Variants in PDZD2 observed in about 807,000 individuals in gnomAD.
The protein encoded by PDZD2 is PDZ domain-containing protein 2.
A neutral mutation model predicts 220.7 loss-of-function variants in PDZD2; 90 were observed. The ratio of observed to expected loss-of-function variants is 0.41; its 90% CI spans 0.34 to 0.49. The LOEUF is 0.49. Ranked by LOEUF, PDZD2 falls within the 20% of genes least tolerant of loss-of-function variation. The probability of loss-of-function intolerance (pLI) is 0.28; values close to 1 mark genes in which losing one functional copy is unlikely to be tolerated. For synonymous variants in PDZD2, 1,375 were observed against 1,450.5 expected, an observed-to-expected ratio of 0.95 and a Z score of 1.18; for missense variants, 3,174 against 3,608.5, an observed-to-expected ratio of 0.88 and a Z score of 3.08.
intron 2 of PDZD2, among the ~76,000 whole-genome samples, chr5:31,801,750 A>G (rs947019591): frequency 1.3e-5 from 2 of 152,162 alleles, no homozygotes; most frequent in African/African-American, 2.4e-5. Flanking sequence ...CCAATAACTA[A>G]ATGATTAAAT....
chr5:31,851,008 G>A (rs768210452), intron 2 of PDZD2, among the ~76,000 whole-genome samples: 2 of 151,960 alleles, frequency 1.3e-5, no homozygotes, highest in African/African-American at 2.4e-5. Flanking sequence ...ACAGCTGGTC[G>A]GTATCCTCTT....
At chr5:31,908,533 G>A (rs1445125202) in intron 2 of PDZD2, 2 of 1,070,046 alleles carry the variant, frequency 1.9e-6, no homozygotes, top group Non-Finnish European at 2.7e-6. Context: ...CGAGGGCGAG[G>A]GCACGGAAAG....
chr5:31,929,192 G>A (rs908354371), intron 2 of PDZD2, among the ~76,000 whole-genome samples: 5 of 152,238 alleles, frequency 3.3e-5, no homozygotes, highest in South Asian at 2.1e-4. Flanking sequence ...CAGACTCAGC[G>A]TCTGCTGTTG....
chr5:31,664,164 T>G (rs1745888889), intron 1 of PDZD2, among the ~76,000 whole-genome samples: 1 of 152,054 alleles, frequency 6.6e-6, no homozygotes, highest in Non-Finnish European at 1.5e-5. Context: ...AACCTCCAAG[T>G]TTTGTTTTGT....
chr5:31,743,177 C>G (rs949889178), intron 1 of PDZD2, among the ~76,000 whole-genome samples: 1 of 142,902 alleles, frequency 7.0e-6, no homozygotes. Flanking sequence ...ATTCTTTTTT[C>G]TTTTTTTTTT....
At chr5:31,677,814 G>T (rs1382409971) in intron 1 of PDZD2, among the ~76,000 whole-genome samples, 2 of 151,980 alleles carry the variant, frequency 1.3e-5, no homozygotes, top group Non-Finnish European at 2.9e-5. Context: ...TCTAGAAAAG[G>T]CACGCTGATC....
chr5:31,671,523 A>G (rs867109273), intron 1 of PDZD2, among the ~76,000 whole-genome samples: 25 of 152,258 alleles, frequency 1.6e-4, no homozygotes, highest in Admixed American at 1.2e-3. Context: ...CCTCTAAGCC[A>G]TTGTCCTTGA....
In PDZD2 at chr5:31,841,448, G is replaced by A. The variant is rs149907147; in HGVS notation, c.476+41724G>A. On this transcript the variant is annotated intron_variant, in intron 2 of 24. Coordinates refer to ENST00000438447, the MANE Select transcript of PDZD2 (RefSeq NM_178140.4). ...CCAGCACTTTGGGAGGCCCAGGTGG[G>A]CAGATCACGAGATCAAGAGATCGAG... is the stretch of plus-strand genomic sequence containing the variant. Among the ~76,000 whole-genome samples the A allele has an allele frequency of 9.0e-3, 1,369 of 152,304 alleles. 22 individuals carry two copies. The highest frequency in any genetic ancestry group is 0.031 in the African/African-American group (1,290 of 41,560).
At chr5:32,071,788 A>G (rs1740776181) in intron 16 of PDZD2, among the ~76,000 whole-genome samples, 1 of 152,162 alleles carries the variant, frequency 6.6e-6, no homozygotes, top group Non-Finnish European at 1.5e-5. Flanking sequence ...GCAGGATTCA[A>G]ACTCCCCTGG....
chr5:31,970,662 AAAT>A (rs1749218343), intron 2 of PDZD2, among the ~76,000 whole-genome samples: 2 of 152,114 alleles, frequency 1.3e-5, no homozygotes, highest in South Asian at 4.2e-4. Context: ...CCTCAAAAAT[AAAT>A]AATTAAAAAA....
chr5:31,793,306 G>C (rs1014804674), intron 1 of PDZD2, among the ~76,000 whole-genome samples: 2 of 152,082 alleles, frequency 1.3e-5, no homozygotes, highest in African/African-American at 4.8e-5. Flanking sequence ...CTAGCAGAGT[G>C]GGGGCACTTC....
intron 1 of PDZD2, among the ~76,000 whole-genome samples, chr5:31,773,590 C>G (rs1752464120): frequency 6.6e-6 from 1 of 152,074 alleles, no homozygotes. Context: ...GCAGAGGTTA[C>G]AGTGAACCAA....
chr5:31,680,920 C>G (rs79811285), intron 1 of PDZD2, among the ~76,000 whole-genome samples: 5 of 152,156 alleles, frequency 3.3e-5, no homozygotes, highest in Non-Finnish European at 5.9e-5. Context: ...CTTCCCTATA[C>G]GGCCTTGCCC....
chr5:31,706,018 C>CTTCA (rs138164269), intron 1 of PDZD2, among the ~76,000 whole-genome samples: 20,702 of 152,142 alleles, frequency 0.14, 1,522 homozygotes, highest in East Asian at 0.21. Context: ...TACCACTGTA[C>CTTCA]TTCAGCCTGG....
intron 2 of PDZD2, among the ~76,000 whole-genome samples, chr5:31,851,279 G>T (rs1758042863): frequency 6.6e-6 from 1 of 152,062 alleles, no homozygotes; most frequent in South Asian, 2.1e-4. Flanking sequence ...TTTATTATGG[G>T]GTAGGGAGAA....
intron 2 of PDZD2, among the ~76,000 whole-genome samples, chr5:31,887,274 A>G (rs1740594749): frequency 6.6e-6 from 1 of 152,062 alleles, no homozygotes; most frequent in African/African-American, 2.4e-5. Context: ...CACAAAATCG[A>G]TATGTAGTGT....
chr5:31,932,721 T>C (rs1481392247), intron 2 of PDZD2, among the ~76,000 whole-genome samples: 1 of 152,184 alleles, frequency 6.6e-6, no homozygotes, highest in Non-Finnish European at 1.5e-5. Flanking sequence ...AGGCTTTTCC[T>C]CTTGCAAAAC....
chr5:31,925,737 A>G (rs1180937638), intron 2 of PDZD2, among the ~76,000 whole-genome samples: 3 of 151,502 alleles, frequency 2.0e-5, no homozygotes, highest in Non-Finnish European at 2.9e-5. Context: ...TAGAATCTAT[A>G]AGAAACTTAA....
intron 1 of PDZD2, among the ~76,000 whole-genome samples, chr5:31,774,559 C>CA (rs995231750): frequency 4.6e-5 from 7 of 151,540 alleles, no homozygotes; most frequent in African/African-American, 1.2e-4. Context: ...ACTAAAAATA[C>CA]AAAAAAAGTA....
Sources: gnomAD v4.1 joint callset for allele counts (sites outside exome capture counted in the v4.1 genomes callset) on GRCh38, gnomAD v4.1.1 for gene constraint, MANE v1.5 for transcripts, NCBI Gene and HGNC (gene_info 2026-07-23, HGNC 2026-07-21) for gene names.